The following ADGRB3 variants were observed in gnomAD, a reference collection of about 807,000 sequenced individuals.
ADGRB3 encodes brain-specific angiogenesis inhibitor 3.
In ADGRB3, 37 loss-of-function variants were observed where a neutral mutation model predicts 193.4. That is an observed-to-expected ratio of 0.19 (90% CI 0.15 to 0.25). The LOEUF is 0.25. Among genes scored for constraint, ADGRB3 ranks in the 10% least tolerant of loss-of-function variants. The pLI is 1.00. For synonymous variants in ADGRB3, 690 were observed against 644.2 expected (o/e 1.07, Z -1.08); for missense variants, 1,637 against 1,852.9 (o/e 0.88, Z 2.14).
chr6:68,705,033 ATGT>A lies in ADGRB3; in HGVS notation c.757+65605_757+65607del, dbSNP rs1332764480. On this transcript the variant is annotated intron_variant, in intron 3 of 31. Coordinates refer to ENST00000370598, the MANE Select transcript of ADGRB3 (RefSeq NM_001704.3). ...GAGAAAAGAAAGCTACATTTTTGAAATGTTGTATTTAAAACAAATCACAGATTT... is the reference window on the plus strand; with the variant it reads ...GAGAAAAGAAAGCTACATTTTTGAAATGTATTTAAAACAAATCACAGATTT... Among the ~76,000 whole-genome samples, 33 of 152,202 alleles carry A rather than the reference ATGT, an allele frequency of 2.2e-4. 1 individual carries two copies. Among genetic ancestry groups the A allele is most frequent in the Admixed American group, 1.8e-3 (27 of 15,276 alleles).
At chr6:68,788,173 T>C (rs1234716443) in intron 3 of ADGRB3, among the ~76,000 whole-genome samples, 1 of 152,220 alleles carries the variant, frequency 6.6e-6, no homozygotes, top group Non-Finnish European at 1.5e-5. Context: ...GCTCTGATCT[T>C]AATTATTTCT....
intron 20 of ADGRB3, among the ~76,000 whole-genome samples, chr6:69,309,080 C>T (rs1018624659): frequency 1.3e-5 from 2 of 151,702 alleles, no homozygotes; most frequent in Non-Finnish European, 3.0e-5. Flanking sequence ...GAACTCCCCT[C>T]ACTTAATTAC....
intron 3 of ADGRB3, among the ~76,000 whole-genome samples, chr6:68,765,477 A>C (rs926694897): frequency 2.0e-5 from 3 of 151,688 alleles, no homozygotes; most frequent in Admixed American, 2.0e-4. Context: ...ACATTGGTAG[A>C]TTTTTCTAAA....
At chr6:69,102,045 C>T (rs1385537956) in intron 17 of ADGRB3, among the ~76,000 whole-genome samples, 1 of 151,892 alleles carries the variant, frequency 6.6e-6, no homozygotes, top group Non-Finnish European at 1.5e-5. Flanking sequence ...GGCGTGGTGG[C>T]GGACGCCTGT....
intron 3 of ADGRB3, among the ~76,000 whole-genome samples, chr6:68,676,083 T>C (rs1561991191): frequency 1.3e-5 from 2 of 152,164 alleles, no homozygotes. Flanking sequence ...TCAACTTAAA[T>C]AGTACTGTTC....
At chr6:69,023,232 A>C (rs1433486164) in intron 13 of ADGRB3, among the ~76,000 whole-genome samples, 1 of 152,140 alleles carries the variant, frequency 6.6e-6, no homozygotes, top group African/African-American at 2.4e-5. Context: ...GCCTGCAAGA[A>C]AATTGCGGTC....
intron 23 of ADGRB3, 144 bp downstream of exon 23, chr6:69,330,716 A>T: frequency 7.8e-6 from 4 of 509,990 alleles, no homozygotes; most frequent in Non-Finnish European, 1.3e-5. Flanking sequence ...TTGAATATAA[A>T]TTATTATTCA....
At chr6:69,144,970 T>C (rs1215223058) in intron 17 of ADGRB3, among the ~76,000 whole-genome samples, 1 of 151,720 alleles carries the variant, frequency 6.6e-6, no homozygotes, top group Admixed American at 6.6e-5. Context: ...TAATCTGGCC[T>C]CATAGAATGA....
intron 6 of ADGRB3, 46 bp downstream of exon 6, chr6:68,944,040 A>G (rs1180381911): frequency 3.9e-6 from 6 of 1,554,046 alleles, no homozygotes; most frequent in Non-Finnish European, 3.5e-6. Flanking sequence ...TGTGCTTTTT[A>G]TATGATTCCT....
intron 17 of ADGRB3, among the ~76,000 whole-genome samples, chr6:69,206,045 G>GTATATGTATATATATA (rs1554169624): frequency 1.0e-5 from 1 of 99,952 alleles, no homozygotes; most frequent in African/African-American, 3.8e-5. Flanking sequence ...TATAATAATG[G>GTATATGTATATATATA]TATATATATA....
At chr6:68,795,651 C>T (rs1300458107) in intron 3 of ADGRB3, among the ~76,000 whole-genome samples, 2 of 152,004 alleles carry the variant, frequency 1.3e-5, no homozygotes, top group Non-Finnish European at 2.9e-5. Context: ...TATGGGGACT[C>T]TAAAAGCAGA....
chr6:68,980,178 A>G (rs1236659338), intron 10 of ADGRB3, among the ~76,000 whole-genome samples: 1 of 151,610 alleles, frequency 6.6e-6, no homozygotes, highest in Non-Finnish European at 1.5e-5. Context: ...CTCTGTTTCT[A>G]TGATTCAAAT....
At chr6:69,017,745 G>C (rs1770138407) in intron 12 of ADGRB3, among the ~76,000 whole-genome samples, 1 of 151,786 alleles carries the variant, frequency 6.6e-6, no homozygotes, top group Admixed American at 6.6e-5. Context: ...TATGGCCTTA[G>C]GTATGCTGTT....
At chr6:68,883,611 AC>A (rs1256922355) in intron 3 of ADGRB3, among the ~76,000 whole-genome samples, 1 of 152,096 alleles carries the variant, frequency 6.6e-6, no homozygotes, top group African/African-American at 2.4e-5. Context: ...GGAGGAATGA[AC>A]AACTCCAGAG....
intron 11 of ADGRB3, among the ~76,000 whole-genome samples, chr6:69,000,189 T>TA (rs1047650738): frequency 2.2e-4 from 33 of 151,570 alleles, no homozygotes; most frequent in Non-Finnish European, 1.5e-4. Context: ...TTAGTTTCTG[T>TA]AAAAAAAAGA....
At chr6:68,725,938 G>A (rs1300587682) in intron 3 of ADGRB3, among the ~76,000 whole-genome samples, 1 of 151,570 alleles carries the variant, frequency 6.6e-6, no homozygotes, top group Non-Finnish European at 1.5e-5. Flanking sequence ...GATTAAAATA[G>A]AGGAAGGGTG....
At chr6:68,665,192 A>G (rs1436174999) in intron 3 of ADGRB3, among the ~76,000 whole-genome samples, 3 of 151,068 alleles carry the variant, frequency 2.0e-5, no homozygotes, top group Non-Finnish European at 4.4e-5. Context: ...CTACACGTTC[A>G]GAGAAACTTC....
intron 3 of ADGRB3, among the ~76,000 whole-genome samples, chr6:68,725,476 A>G (rs1765656767): frequency 6.6e-6 from 1 of 151,658 alleles, no homozygotes; most frequent in African/African-American, 2.4e-5. Flanking sequence ...TATTACCCAG[A>G]ATGAGATGTA....
At chr6:69,009,821 G>C (rs1051281406) in intron 11 of ADGRB3, among the ~76,000 whole-genome samples, 8 of 152,038 alleles carry the variant, frequency 5.3e-5, no homozygotes, top group African/African-American at 1.7e-4. Flanking sequence ...AGATGGAGGA[G>C]AGCACATTTC....
Sources: gnomAD v4.1 joint callset for allele counts (sites outside exome capture counted in the v4.1 genomes callset) on GRCh38, gnomAD v4.1.1 for gene constraint, MANE v1.5 for transcripts, NCBI Gene and HGNC (gene_info 2026-07-23, HGNC 2026-07-21) for gene names.